The following ADGRG4 variants were observed in gnomAD, a reference collection of about 807,000 sequenced individuals.
ADGRG4 encodes the protein adhesion G protein-coupled receptor G4.
Under a neutral mutation model 126.2 loss-of-function variants are expected in ADGRG4, and 122 were observed. The observed-to-expected ratio is 0.97, with a 90% confidence interval of 0.83 to 1.12. The LOEUF is 1.12. ADGRG4 is among the 50% of genes most tolerant of loss of function. The probability of loss-of-function intolerance (pLI) is 0.00; values close to 1 mark genes in which losing one functional copy is unlikely to be tolerated. For missense variants in ADGRG4, 2,481 were observed against 2,251.8 expected (o/e 1.10, Z -2.06); for synonymous variants, 943 against 838.7 (o/e 1.12, Z -2.15).
chrX:136,343,355 C>T (rs1357378520), intron 5 of ADGRG4, among the ~76,000 whole-genome samples: 3 of 110,854 alleles, frequency 2.7e-5, no homozygotes, highest in African/African-American at 9.9e-5. Context: ...ATCCAAGAAA[C>T]GATATCAAGT....
In ADGRG4 at chrX:136,400,053, C is replaced by G. The variant is rs1178526180; in HGVS notation, c.8512C>G (p.Leu2838Val). Residue 2838 changes from leucine (L) to valine (V), a missense_variant, in exon 21 of 26, where the codon CTA becomes GTA. By Grantham distance (32) the Leu-to-Val change is conservative. Coordinates refer to ENST00000394143, the MANE Select transcript of ADGRG4 (RefSeq NM_153834.4). Reference protein sequence around the residue: ...GLEAVHMYLALVKVFNIYIPN... With the variant: ...GLEAVHMYLAVVKVFNIYIPN... The stretch of plus-strand genomic sequence containing the variant: ...GGAGGCAGTCCACATGTATTTGGCT[C>G]TAGTCAAAGTCTTCAACATATACAT... 1.7e-6 allele frequency: 2 copies of G among 1,203,480 alleles called. No homozygotes were observed. Among genetic ancestry groups the G allele is most frequent in the East Asian group, 3.0e-5 (1 of 33,746 alleles).
intron 4 of ADGRG4, among the ~76,000 whole-genome samples, chrX:136,313,553 A>G (rs1251852360): frequency 8.9e-6 from 1 of 112,065 alleles, no homozygotes; most frequent in Non-Finnish European, 1.9e-5. Context: ...TGGCACAGGC[A>G]TAGCACATTT....
intron 5 of ADGRG4, among the ~76,000 whole-genome samples, chrX:136,343,308 A>G (rs1230016652): frequency 9.0e-6 from 1 of 111,063 alleles, no homozygotes; most frequent in Non-Finnish European, 1.9e-5. Flanking sequence ...TAATGAGTTC[A>G]AGTTGGAGAA....
At chrX:136,397,760 T>C (rs1191232341) in intron 19 of ADGRG4, 121 bp from the exon 20 acceptor site, 20 of 676,239 alleles carry the variant, frequency 3.0e-5, no homozygotes, top group Non-Finnish European at 4.3e-5. Context: ...AATCTGGTTT[T>C]AGAAGAGCTA....
At chrX:136,389,282 C>T (rs2075307264) in intron 16 of ADGRG4, among the ~76,000 whole-genome samples, 1 of 112,105 alleles carries the variant, frequency 8.9e-6, no homozygotes, top group Non-Finnish European at 1.9e-5. Context: ...AAAATATGCT[C>T]CACAACACTT....
chrX:136,362,057 C>A (rs2148476669), intron 12 of ADGRG4, among the ~76,000 whole-genome samples: 1 of 111,813 alleles, frequency 8.9e-6, no homozygotes, highest in African/African-American at 3.2e-5. Flanking sequence ...TGGAAACCAT[C>A]TAGTTGATGG....
At position 136,392,284 on chromosome X, in the gene ADGRG4, CA is replaced by C; in HGVS notation, c.7965del (p.Asp2656MetfsTer8). The C allele has an allele frequency of 8.9e-7, 1 of 1,128,947 alleles. No individual in the cohort carries two copies. The highest frequency in any genetic ancestry group is 1.2e-6 in the Non-Finnish European group (1 of 855,784). 93.0% of individuals were successfully genotyped at this position (1,128,947 alleles called of 1,213,427 possible). A position where few individuals can be genotyped will look rare whatever the true frequency, so the allele number is the denominator to read the frequency against. On this transcript the variant is annotated frameshift_variant, in exon 17 of 26. Transcript: ENST00000394143. LOFTEE classifies it high-confidence loss of function. ...LTTYVVSASI[S>X]DDMFIQNLAD... ...ACCTATGTTGTGAGTGCCAGCATTT[CA>C]GATGATATGTTCATTCAAAACTTAG...
At chrX:136,351,673 T>A (rs2075063925) in intron 7 of ADGRG4, 132 bp downstream of exon 7, 1 of 253,717 alleles carries the variant, frequency 3.9e-6, no homozygotes, top group East Asian at 6.9e-5. Flanking sequence ...GCTAAGTAGT[T>A]TTTTTTTTTT....
chrX:136,346,058 A>T lies in ADGRG4; in HGVS notation c.2352A>T (p.Pro784=). ...TGACACCAAGGGAGACTGTTGTTCC[A>T]TCAGTAGATATAATATCTACTCTTG... ...LPLTPRETVV[P]SVDIISTLAC... The change falls in exon 6 of 26, where the codon CCA becomes CCT. Residue 784 remains proline, a synonymous_variant. Coordinates refer to ENST00000394143, the MANE Select transcript of ADGRG4 (RefSeq NM_153834.4). 8.3e-7 allele frequency: 1 copy of T among 1,209,006 alleles called. No individual in the cohort carries two copies. The highest frequency in any genetic ancestry group is 1.1e-6 in the Non-Finnish European group (1 of 893,895).
intron 15 of ADGRG4, among the ~76,000 whole-genome samples, chrX:136,376,649 T>TATTGC (rs2075227554): frequency 9.5e-6 from 1 of 105,488 alleles, no homozygotes; most frequent in African/African-American, 3.5e-5. Flanking sequence ...TATTGTATTG[T>TATTGC]ATTGTATTGT....
At chrX:136,358,019 G>T (rs1161163139) in intron 10 of ADGRG4, among the ~76,000 whole-genome samples, 1 of 111,797 alleles carries the variant, frequency 8.9e-6, no homozygotes, top group Non-Finnish European at 1.9e-5. Context: ...GGACGGGGGA[G>T]TGAAGTGTTT....
intron 5 of ADGRG4, among the ~76,000 whole-genome samples, chrX:136,330,608 T>G (rs1569318206): frequency 8.9e-6 from 1 of 111,811 alleles, no homozygotes. Flanking sequence ...GTTTTTTTTG[T>G]GAACATAAGT....
Position 136,380,649 on chromosome X carries a change from TTCC to T in ADGRG4, c.7777-7073_7777-7071del, listed in dbSNP as rs1199723751. On this transcript the variant is annotated intron_variant, in intron 15 of 25. Coordinates refer to ENST00000394143, the MANE Select transcript of ADGRG4 (RefSeq NM_153834.4). ...CTTCTTCTTCTTCTTCTTCTTCTTC[TTCC>T]TCCTCCTCCTCCTCCTCTTCCTCCT... Among the ~76,000 whole-genome samples, 222 of 66,420 alleles carry T rather than the reference TTCC, an allele frequency of 3.3e-3. 1 individual carries two copies. The highest frequency in any genetic ancestry group is 0.02 in the Middle Eastern group (3 of 151). 57.7% of individuals were successfully genotyped at this position (66,420 alleles called of 115,157 possible). A position where few individuals can be genotyped will look rare whatever the true frequency, so the allele number is the denominator to read the frequency against.
chrX:136,394,002 G>A (rs2075333757), intron 18 of ADGRG4, among the ~76,000 whole-genome samples: 1 of 111,780 alleles, frequency 8.9e-6, no homozygotes, highest in African/African-American at 3.2e-5. Context: ...TTTGAAGAAA[G>A]TTGAGGAAGG....
intron 5 of ADGRG4, among the ~76,000 whole-genome samples, chrX:136,323,599 C>T (rs2074854455): frequency 9.1e-6 from 1 of 109,674 alleles, no homozygotes; most frequent in Non-Finnish European, 1.9e-5. Context: ...CACACACACA[C>T]ACACACACAC....
chrX:136,393,945 TG>T (rs777939712), intron 18 of ADGRG4, among the ~76,000 whole-genome samples: 18 of 111,937 alleles, frequency 1.6e-4, no homozygotes, highest in African/African-American at 5.8e-4. Context: ...TAAGCAAAGT[TG>T]GAAGAAAGAA....
At chrX:136,399,430 G>A (rs930332704) in intron 20 of ADGRG4, among the ~76,000 whole-genome samples, 2 of 110,939 alleles carry the variant, frequency 1.8e-5, no homozygotes, top group South Asian at 7.7e-4. Flanking sequence ...TAAAACTTAA[G>A]ACCATATTTC....
In ADGRG4 at chrX:136,407,810, A is replaced by G. The variant is rs2075423342; in HGVS notation, c.8935+1838A>G. ...ATTCTAGTGTAGAACTGAAGGTTGT[A>G]TTCTAGTGTAGGACTGAGGCCCTGG... On this transcript the variant is annotated intron_variant, in intron 23 of 25. Coordinates refer to ENST00000394143, the MANE Select transcript of ADGRG4 (RefSeq NM_153834.4). Among the ~76,000 whole-genome samples, 3 of 111,772 alleles carry G rather than the reference A, an allele frequency of 2.7e-5. No individual in the cohort carries two copies. In the Admixed American group the frequency reaches 2.8e-4, roughly 11 times the overall value.
intron 15 of ADGRG4, among the ~76,000 whole-genome samples, chrX:136,386,949 G>A (rs2075295162): frequency 8.9e-6 from 1 of 112,023 alleles, no homozygotes; most frequent in Non-Finnish European, 1.9e-5. Context: ...CACAGTTCTG[G>A]TGGCTGGGAA....
Sources: allele counts gnomAD v4.1 joint callset (sites outside exome capture counted in the v4.1 genomes callset), GRCh38; gene constraint gnomAD v4.1.1; transcripts MANE v1.5; gene names NCBI Gene and HGNC (gene_info 2026-07-23, HGNC 2026-07-21).